The following SEM1 variants were observed in gnomAD, a reference collection of about 807,000 sequenced individuals.
The protein encoded by SEM1 is 26S proteasome complex subunit SEM1.
A neutral mutation model predicts 12.7 loss-of-function variants in SEM1; 3 were observed. The ratio of observed to expected loss-of-function variants is 0.24; its 90% CI spans 0.11 to 0.61. SEM1 has a LOEUF of 0.61. Ranked by LOEUF, SEM1 falls within the 20% of genes least tolerant of loss-of-function variation. The pLI is 0.88. For synonymous variants in SEM1, 30 were observed against 27.8 expected, an observed-to-expected ratio of 1.08 and a Z score of -0.25; for missense variants, 59 against 81.3, an observed-to-expected ratio of 0.73 and a Z score of 1.06.
At chr7:96,675,092 C>T (rs759516550) in intron 2 of SEM1, among the ~76,000 whole-genome samples, 11 of 152,008 alleles carry the variant, frequency 7.2e-5, no homozygotes, top group Middle Eastern at 6.8e-3. Flanking sequence ...TGAACCCCAC[C>T]CCACCCCCCA....
intron 2 of SEM1, among the ~76,000 whole-genome samples, chr7:96,545,353 G>T (rs1046517397): frequency 6.6e-6 from 1 of 151,978 alleles, no homozygotes; most frequent in Middle Eastern, 3.2e-3. Context: ...AAGATTAAAT[G>T]AAGGAAATCA....
chr7:96,542,688 G>T (rs1304917940), intron 2 of SEM1, among the ~76,000 whole-genome samples: 1 of 151,760 alleles, frequency 6.6e-6, no homozygotes, highest in African/African-American at 2.4e-5. Context: ...CAAAATTAAA[G>T]AAAACACACA....
chr7:96,676,590 A>G (rs1789454540), intron 2 of SEM1, among the ~76,000 whole-genome samples: 1 of 152,186 alleles, frequency 6.6e-6, no homozygotes, highest in East Asian at 1.9e-4. Context: ...CTTTCCATTA[A>G]TTTCCTACAA....
intron 2 of SEM1, among the ~76,000 whole-genome samples, chr7:96,594,562 ACT>A (rs1368031237): frequency 6.6e-6 from 1 of 152,138 alleles, no homozygotes; most frequent in African/African-American, 2.4e-5. Context: ...GTTTTTTATA[ACT>A]CTAATGAAGC....
chr7:96,611,340 A>T (rs79045450), intron 2 of SEM1, among the ~76,000 whole-genome samples: 7 of 152,130 alleles, frequency 4.6e-5, no homozygotes, highest in Non-Finnish European at 8.8e-5. Flanking sequence ...TATTGGATAA[A>T]CCCAGCTATC....
At chr7:96,702,811 AC>A (rs1790310366) in intron 1 of SEM1, among the ~76,000 whole-genome samples, 1 of 152,236 alleles carries the variant, frequency 6.6e-6, no homozygotes, top group Non-Finnish European at 1.5e-5. Context: ...ATAATGTTCC[AC>A]CTAAAAAGAT....
intron 2 of SEM1, among the ~76,000 whole-genome samples, chr7:96,542,096 G>T (rs138367155): frequency 1.7e-4 from 25 of 151,148 alleles, no homozygotes; most frequent in African/African-American, 5.3e-4. Flanking sequence ...GGGGGAGGGG[G>T]TTCCATATGA....
At chr7:96,700,346 T>C (rs1029982161) in intron 1 of SEM1, among the ~76,000 whole-genome samples, 3 of 152,108 alleles carry the variant, frequency 2.0e-5, no homozygotes, top group Non-Finnish European at 4.4e-5. Flanking sequence ...TTAAGGATAT[T>C]TGGTAAATTT....
At chr7:96,585,489 C>T (rs1369696979) in intron 2 of SEM1, among the ~76,000 whole-genome samples, 1 of 152,226 alleles carries the variant, frequency 6.6e-6, no homozygotes, top group African/African-American at 2.4e-5. Flanking sequence ...CTGTGGTGGG[C>T]TCCACCCAGT....
At chr7:96,674,680 A>C (rs976317573) in intron 2 of SEM1, among the ~76,000 whole-genome samples, 3 of 152,130 alleles carry the variant, frequency 2.0e-5, no homozygotes, top group African/African-American at 7.2e-5. Flanking sequence ...ATAAAAAGTA[A>C]TAAAAGTATA....
At chr7:96,533,877 T>C (rs1804712354) in intron 2 of SEM1, among the ~76,000 whole-genome samples, 1 of 152,048 alleles carries the variant, frequency 6.6e-6, no homozygotes, top group South Asian at 2.1e-4. Flanking sequence ...AGTAGTCCTA[T>C]TTGTCATCAC....
At chr7:96,664,184 CA>C (rs1563103483) in intron 2 of SEM1, 1 of 152,186 alleles carries the variant, frequency 6.6e-6, no homozygotes, top group South Asian at 2.1e-4. Context: ...CTTGAAACAA[CA>C]AAAATGTATT....
intron 2 of SEM1, among the ~76,000 whole-genome samples, chr7:96,595,794 CT>C (rs1258740538): frequency 6.6e-6 from 1 of 152,066 alleles, no homozygotes; most frequent in Non-Finnish European, 1.5e-5. Flanking sequence ...GACTTTCCCC[CT>C]AACTTGTAAT....
intron 2 of SEM1, among the ~76,000 whole-genome samples, chr7:96,535,265 C>A (rs1804752884): frequency 1.3e-5 from 2 of 151,782 alleles, no homozygotes; most frequent in African/African-American, 2.4e-5. Context: ...GGTCTAGTGT[C>A]CTAGACCACT....
downstream of SEM1, among the ~76,000 whole-genome samples, chr7:96,670,354 T>A (rs1429630117): frequency 6.6e-6 from 1 of 152,154 alleles, no homozygotes; most frequent in Non-Finnish European, 1.5e-5. Flanking sequence ...ACATAAATTA[T>A]GATGTAAAAC....
intron 2 of SEM1, among the ~76,000 whole-genome samples, chr7:96,521,218 T>C (rs1355630172): frequency 6.6e-6 from 1 of 152,078 alleles, no homozygotes; most frequent in Non-Finnish European, 1.5e-5. Context: ...GAACACACTC[T>C]CTCCAGCTTT....
At chr7:96,663,418 G>T (rs556484549) in intron 2 of SEM1, among the ~76,000 whole-genome samples, 1 of 152,330 alleles carries the variant, frequency 6.6e-6, no homozygotes, top group East Asian at 1.9e-4. Flanking sequence ...ATTTGCTGGG[G>T]ACAGCACCTG....
chr7:96,611,749 A>G (rs986022331), intron 2 of SEM1, among the ~76,000 whole-genome samples: 2 of 152,192 alleles, frequency 1.3e-5, no homozygotes, highest in African/African-American at 4.8e-5. Context: ...CCTTTAAAGC[A>G]ATTGGATCCC....
exon 3 of SEM1, chr7:96,484,832 A>G (rs770388847): frequency 3.0e-5 from 39 of 1,287,696 alleles, no homozygotes; most frequent in Non-Finnish European, 3.9e-5. Context: ...TACCTTGCCC[A>G]CTTCTTTTTT....
Sources: allele counts gnomAD v4.1 joint callset (sites outside exome capture counted in the v4.1 genomes callset), GRCh38; gene constraint gnomAD v4.1.1; transcripts MANE v1.5; gene names NCBI Gene and HGNC (gene_info 2026-07-23, HGNC 2026-07-21).